The following CAMKMT variants were observed in gnomAD, a reference collection of about 807,000 sequenced individuals.
CAMKMT encodes calmodulin-lysine N-methyltransferase.
A neutral mutation model predicts 48.0 loss-of-function variants in CAMKMT; 53 were observed. The observed-to-expected ratio is 1.10, with a 90% CI of 0.89 to 1.39. The LOEUF is 1.39. Among genes scored for constraint, CAMKMT ranks in the 40% most tolerant of loss-of-function variants. The pLI is 0.00. For missense variants in CAMKMT, 428 were observed against 402.7 expected (o/e 1.06, Z -0.54); for synonymous variants, 165 against 152.3 (o/e 1.08, Z -0.61).
rs1371206293 is a variant in CAMKMT, at chr2:44,362,003, G to C, written c.-5G>C. 5 of 1,403,248 alleles carry C rather than the reference G, an allele frequency of 3.6e-6. No homozygotes were observed. Among genetic ancestry groups the C allele is most frequent in the Middle Eastern group, 2.4e-4 (1 of 4,134 alleles). The allele number at this position is 1,403,248 out of a possible 1,614,324, so 86.9% of individuals were successfully genotyped here. A position where few individuals can be genotyped will look rare whatever the true frequency, so the allele number is the denominator to read the frequency against. ...GCACCTCCGGGTGTGGAAGGCTCCA[G>C]TGAGATGGAGTCGCGAGTCGCGGAC... On this transcript the variant is annotated 5_prime_UTR_variant, in exon 1 of 11. Transcript: ENST00000378494.
intron 3 of CAMKMT, among the ~76,000 whole-genome samples, chr2:44,479,015 A>G (rs1239997379): frequency 2.0e-5 from 3 of 152,254 alleles, no homozygotes; most frequent in East Asian, 1.9e-4. Flanking sequence ...TTTCTTTTCT[A>G]AGAAAATTTT....
At chr2:44,706,719 A>G (rs920360654) in intron 5 of CAMKMT, among the ~76,000 whole-genome samples, 1 of 151,544 alleles carries the variant, frequency 6.6e-6, no homozygotes, top group African/African-American at 2.4e-5. Flanking sequence ...TTTTGCCTGC[A>G]TTATTACACC....
chr2:44,492,402 A>G (rs1166420082), intron 3 of CAMKMT, among the ~76,000 whole-genome samples: 1 of 152,214 alleles, frequency 6.6e-6, no homozygotes, highest in Non-Finnish European at 1.5e-5. Context: ...GGACAATATT[A>G]AACTGTAAAG....
intron 3 of CAMKMT, among the ~76,000 whole-genome samples, chr2:44,615,957 C>A (rs1256612998): frequency 6.6e-6 from 1 of 152,118 alleles, no homozygotes; most frequent in Admixed American, 6.6e-5. Context: ...TGAATTACAG[C>A]CTATTCTCTG....
At chr2:44,506,243 G>C (rs979576622) in intron 3 of CAMKMT, among the ~76,000 whole-genome samples, 1 of 152,134 alleles carries the variant, frequency 6.6e-6, no homozygotes. Context: ...GGGTATAAAA[G>C]TGAGAAAATG....
chr2:44,509,429 C>G (rs1670426673), intron 3 of CAMKMT, among the ~76,000 whole-genome samples: 1 of 152,128 alleles, frequency 6.6e-6, no homozygotes, highest in African/African-American at 2.4e-5. Context: ...CCCACCTCAG[C>G]CTTCTAAGTA....
chr2:44,764,815 G>A (rs1680769830), intron 9 of CAMKMT, among the ~76,000 whole-genome samples: 1 of 152,128 alleles, frequency 6.6e-6, no homozygotes, highest in African/African-American at 2.4e-5. Context: ...CATTATCATT[G>A]TCATCACTGT....
In CAMKMT at chr2:44,772,359, T is replaced by C; in HGVS notation, c.*246T>C. 2.8e-6 allele frequency: 1 copy of C among 359,126 alleles called. No homozygotes were observed. The highest frequency in any genetic ancestry group is 5.0e-6 in the Non-Finnish European group (1 of 200,690). 22.2% of individuals were successfully genotyped at this position (359,126 alleles called of 1,614,324 possible). A position where few individuals can be genotyped will look rare whatever the true frequency, so the allele number is the denominator to read the frequency against. ...CTAAACCTTTGTTTGTCTTTAAATG[T>C]GTATAAGCTGCCTGTCTGTGACTTG... On this transcript the variant is annotated 3_prime_UTR_variant, in exon 11 of 11. Coordinates refer to ENST00000378494, the MANE Select transcript of CAMKMT (RefSeq NM_024766.5).
chr2:44,434,741 A>G (rs569831513), intron 3 of CAMKMT, among the ~76,000 whole-genome samples: 3 of 152,288 alleles, frequency 2.0e-5, no homozygotes, highest in African/African-American at 4.8e-5. Context: ...TGATTTAGGG[A>G]TTGGTGAAAT....
intron 3 of CAMKMT, among the ~76,000 whole-genome samples, chr2:44,397,614 A>G (rs1392888275): frequency 6.6e-6 from 1 of 152,098 alleles, no homozygotes; most frequent in Non-Finnish European, 1.5e-5. Context: ...CCCCTAATTC[A>G]TAAACAGAGC....
intron 3 of CAMKMT, among the ~76,000 whole-genome samples, chr2:44,484,046 T>C (rs975032301): frequency 6.6e-5 from 10 of 152,164 alleles, no homozygotes; most frequent in African/African-American, 2.4e-4. Context: ...AAATACCTCA[T>C]AGTGGTACCT....
chr2:44,421,886 G>C (rs1683957436), intron 3 of CAMKMT, among the ~76,000 whole-genome samples: 1 of 152,154 alleles, frequency 6.6e-6, no homozygotes, highest in East Asian at 1.9e-4. Context: ...TGAATAACTT[G>C]AGTAGAAATA....
At chr2:44,715,485 T>C (rs752054694) in intron 7 of CAMKMT, 132 bp downstream of exon 7, 10 of 644,794 alleles carry the variant, frequency 1.6e-5, no homozygotes, top group Non-Finnish European at 2.7e-5. Context: ...TTTAAGCACT[T>C]TACAAGTATT....
At chr2:44,658,405 G>A (rs2104069954) in intron 3 of CAMKMT, among the ~76,000 whole-genome samples, 1 of 152,266 alleles carries the variant, frequency 6.6e-6, no homozygotes, top group East Asian at 1.9e-4. Flanking sequence ...GTGCTAGAGT[G>A]GCTCACCACC....
intron 7 of CAMKMT, among the ~76,000 whole-genome samples, chr2:44,737,055 G>A (rs920448029): frequency 6.6e-6 from 1 of 151,976 alleles, no homozygotes; most frequent in East Asian, 1.9e-4. Flanking sequence ...TATATACTAG[G>A]TATTTTGAAT....
At chr2:44,413,154 C>T (rs1032523561) in intron 3 of CAMKMT, among the ~76,000 whole-genome samples, 1 of 151,780 alleles carries the variant, frequency 6.6e-6, no homozygotes, top group African/African-American at 2.4e-5. Context: ...CTGTACAGTT[C>T]TCTGGGGGCT....
rs1405916430 is a variant in CAMKMT at position 44,502,725 on chromosome 2, CT to C, written c.376+112422del. 6.6e-5 allele frequency among the ~76,000 whole-genome samples: 10 copies of C among 152,212 alleles called. No individual in the cohort carries two copies. The East Asian group carries it at 1.9e-3, about 29-fold the overall frequency. On this transcript the variant is annotated intron_variant, in intron 3 of 10. Transcript: ENST00000378494. ...CTGAGAGCCCAGCATGCATATCCAC[CT>C]TCAAGATTTAATAATTTGAGATTTC...
At chr2:44,443,972 A>G (rs901236606) in intron 3 of CAMKMT, among the ~76,000 whole-genome samples, 8 of 152,198 alleles carry the variant, frequency 5.3e-5, no homozygotes, top group African/African-American at 1.9e-4. Context: ...TATTTATAGT[A>G]GTCTTTTAAG....
At chr2:44,384,069 G>C (rs905826457) in intron 2 of CAMKMT, among the ~76,000 whole-genome samples, 10 of 152,076 alleles carry the variant, frequency 6.6e-5, no homozygotes, top group Admixed American at 3.3e-4. Flanking sequence ...CATAGTGGTT[G>C]TACTAGTTTT....
Sources: allele counts gnomAD v4.1 joint callset (sites outside exome capture counted in the v4.1 genomes callset), GRCh38; gene constraint gnomAD v4.1.1; transcripts MANE v1.5; gene names NCBI Gene and HGNC (gene_info 2026-07-23, HGNC 2026-07-21).